The following VAPB variants were observed in gnomAD, a reference collection of about 807,000 sequenced individuals.
VAPB encodes VAMP associated protein B and C.
VAPB carries 7 observed loss-of-function variants against 25.6 expected under a neutral mutation model. The observed-to-expected ratio is 0.27, with a 90% CI of 0.16 to 0.51. The LOEUF (loss-of-function observed/expected upper bound fraction) is 0.51, where lower values mean the gene tolerates loss of function less well. VAPB is among the 20% of genes least tolerant of loss of function. The pLI is 0.97. For missense variants in VAPB, 266 were observed against 301.3 expected (o/e 0.88, Z 0.87); for synonymous variants, 112 against 109.2 (o/e 1.03, Z -0.16).
intron 4 of VAPB, 51 bp downstream of exon 4, chr20:58,439,076 T>C (rs776266655): frequency 8.6e-6 from 13 of 1,510,952 alleles, no homozygotes; most frequent in Non-Finnish European, 1.2e-5. Context: ...CTGATACTTA[T>C]TTGCATACCA....
chr20:58,413,139 C>CTTTTTTTTTTTTTTTTTTTTT (rs11481028), intron 1 of VAPB, among the ~76,000 whole-genome samples: 2 of 132,592 alleles, frequency 1.5e-5, no homozygotes, highest in African/African-American at 2.8e-5. Flanking sequence ...TATTTGCCTT[C>CTTTTTTTTTTTTTTTTTTTTT]TTTTTTTTTT....
intron 5 of VAPB, among the ~76,000 whole-genome samples, chr20:58,443,486 A>C (rs1019633138): frequency 6.8e-6 from 1 of 146,670 alleles, no homozygotes; most frequent in Admixed American, 6.9e-5. Context: ...AGGTTTTACC[A>C]TGTTGACCAA....
At chr20:58,417,224 C>T (rs1600795194) in intron 1 of VAPB, among the ~76,000 whole-genome samples, 2 of 152,242 alleles carry the variant, frequency 1.3e-5, no homozygotes, top group African/African-American at 4.8e-5. Flanking sequence ...GATCACATGT[C>T]CACCATAGAT....
chr20:58,447,916 A>G lies in VAPB; in HGVS notation c.*3681A>G, dbSNP rs1249690046. ...TCCCAGTGTCACTTTGAACACCTGA[A>G]TAACATTTAACTCCTGAGACCTTCT... On this transcript the variant is annotated 3_prime_UTR_variant, in exon 6 of 6. Coordinates refer to ENST00000475243, the MANE Select transcript of VAPB (RefSeq NM_004738.5). 1 of 453,822 alleles carries G rather than the reference A, an allele frequency of 2.2e-6. No homozygotes were observed. The highest frequency in any genetic ancestry group is 7.0e-5 in the East Asian group (1 of 14,376). The allele number at this position is 453,822 out of a possible 1,614,324, so 28.1% of individuals were successfully genotyped here.
At chr20:58,414,662 G>A (rs1988489391) in intron 1 of VAPB, among the ~76,000 whole-genome samples, 1 of 151,936 alleles carries the variant, frequency 6.6e-6, no homozygotes, top group Non-Finnish European at 1.5e-5. Context: ...CTTCCTAGAT[G>A]TGATGGCGGC....
intron 1 of VAPB, among the ~76,000 whole-genome samples, chr20:58,396,291 C>A (rs6026235): frequency 0.041 from 6,289 of 152,146 alleles, 415 homozygotes; most frequent in African/African-American, 0.14. Flanking sequence ...TGCATGCCCA[C>A]CTCGTGTTGT....
Position 58,440,993 on chromosome 20 carries a change from G to A in VAPB, c.483G>A (p.Leu161=). Residue 161 remains leucine (L), a synonymous_variant, in exon 5 of 6, where the codon TTG becomes TTA. Transcript: ENST00000475243. ...PIVSKSLSSS[L]DDTEVKKVME... ...TGTCTAAGTCTCTGAGTTCTTCTTTGGATGACACCGAAGTTAAGAAGGTTA... is the reference window on the plus strand; with the variant it reads ...TGTCTAAGTCTCTGAGTTCTTCTTTAGATGACACCGAAGTTAAGAAGGTTA... 6.2e-7 allele frequency: 1 copy of A among 1,613,982 alleles called. No homozygotes were observed. Among genetic ancestry groups the A allele is most frequent in the Non-Finnish European group, 8.5e-7 (1 of 1,179,968 alleles).
In VAPB at chr20:58,438,864, C is replaced by T. The variant is rs1006493760; in HGVS notation, c.316-81C>T. ...GGGCTTTCTCATTAAGAGTATTTTT[C>T]TGAAATTGTCAGTTATAGGAAGAAA... On this transcript the variant is annotated intron_variant, in intron 3 of 5. Transcript: ENST00000475243. 6 of 1,228,096 alleles carry T rather than the reference C, an allele frequency of 4.9e-6. No homozygotes were observed. In the Admixed American group the frequency reaches 8.7e-5, roughly 18 times the overall value. 76.1% of individuals were successfully genotyped at this position (1,228,096 alleles called of 1,614,324 possible).
In VAPB at chr20:58,448,297, G is replaced by A. The variant is rs1989345610; in HGVS notation, c.*4062G>A. On this transcript the variant is annotated 3_prime_UTR_variant, in exon 6 of 6. Coordinates refer to ENST00000475243, the MANE Select transcript of VAPB (RefSeq NM_004738.5). ...ATCATGCTGGCCCTACGCGAATTGAGTTTCTGTGGCCTAATTGGATTTGGA... is the reference window on the plus strand; with the variant it reads ...ATCATGCTGGCCCTACGCGAATTGAATTTCTGTGGCCTAATTGGATTTGGA... 1 of 453,522 alleles carries A rather than the reference G, an allele frequency of 2.2e-6. No individual in the cohort carries two copies. Among genetic ancestry groups the A allele is most frequent in the Admixed American group, 2.4e-5 (1 of 42,534 alleles). The allele number at this position is 453,522 out of a possible 1,614,324, so 28.1% of individuals were successfully genotyped here. A position where few individuals can be genotyped will look rare whatever the true frequency, so the allele number is the denominator to read the frequency against.
chr20:58,415,625 T>C (rs1012404201), intron 1 of VAPB, among the ~76,000 whole-genome samples: 1 of 152,198 alleles, frequency 6.6e-6, no homozygotes, highest in Non-Finnish European at 1.5e-5. Flanking sequence ...ATTCTAAGTT[T>C]AGAAGGAGAT....
Position 58,445,324 on chromosome 20 carries a change from CTA to C in VAPB, c.*1090_*1091del, listed in dbSNP as rs1478817648. ...CTGAGCCTGACCTCCCCTTGGGGAC[CTA>C]GCCTGGAGTCAGGACAAATGGATCG... On this transcript the variant is annotated 3_prime_UTR_variant, in exon 6 of 6. Coordinates refer to ENST00000475243, the MANE Select transcript of VAPB (RefSeq NM_004738.5). 3 of 454,316 alleles carry C rather than the reference CTA, an allele frequency of 6.6e-6. No individual in the cohort carries two copies. The highest frequency in any genetic ancestry group is 1.3e-5 in the Non-Finnish European group (3 of 226,734). 28.1% of individuals were successfully genotyped at this position (454,316 alleles called of 1,614,324 possible). A position where few individuals can be genotyped will look rare whatever the true frequency, so the allele number is the denominator to read the frequency against.
At chr20:58,427,882 C>G (rs6026266) in intron 2 of VAPB, among the ~76,000 whole-genome samples, 278 of 141,834 alleles carry the variant, frequency 2.0e-3, no homozygotes, top group African/African-American at 6.8e-3. Context: ...ATGATGCAGG[C>G]GAAAGTGATC....
chr20:58,427,339 C>T (rs960515486), intron 2 of VAPB, among the ~76,000 whole-genome samples: 64 of 113,426 alleles, frequency 5.6e-4, no homozygotes, highest in Admixed American at 1.4e-3. Flanking sequence ...GAAAGTGATC[C>T]GTGATCTGTT....
intron 2 of VAPB, among the ~76,000 whole-genome samples, chr20:58,419,020 T>G (rs1484857352): frequency 2.6e-5 from 4 of 152,206 alleles, no homozygotes; most frequent in African/African-American, 9.7e-5. Context: ...TAAGGAGATG[T>G]CAGTGATGGG....
In VAPB at chr20:58,450,720, T is replaced by C. The variant is rs1254712949; in HGVS notation, c.*6485T>C. 2.2e-6 allele frequency: 1 copy of C among 453,866 alleles called. No homozygotes were observed. The highest frequency in any genetic ancestry group is 4.4e-6 in the Non-Finnish European group (1 of 226,662). 28.1% of individuals were successfully genotyped at this position (453,866 alleles called of 1,614,324 possible). On this transcript the variant is annotated 3_prime_UTR_variant, in exon 6 of 6. Coordinates refer to ENST00000475243, the MANE Select transcript of VAPB (RefSeq NM_004738.5). ...GTGTGTGTTTATAGTCTTCAATGTA[T>C]GTTAACATGTTAGGAACTGAGTATC...
In VAPB at chr20:58,448,754, G is replaced by T. The variant is rs1251109852; in HGVS notation, c.*4519G>T. On this transcript the variant is annotated 3_prime_UTR_variant, in exon 6 of 6. Coordinates refer to ENST00000475243, the MANE Select transcript of VAPB (RefSeq NM_004738.5). ...TAGTTCAGATGCTTTTTCTTTTTCT[G>T]TTGGAAACTGAACACACTACAGACA... 3 of 453,666 alleles carry T rather than the reference G, an allele frequency of 6.6e-6. No individual in the cohort carries two copies. The highest frequency in any genetic ancestry group is 1.3e-5 in the Non-Finnish European group (3 of 226,736). 28.1% of individuals were successfully genotyped at this position (453,666 alleles called of 1,614,324 possible). A position where few individuals can be genotyped will look rare whatever the true frequency, so the allele number is the denominator to read the frequency against.
At chr20:58,401,499 G>C (rs1988094708) in intron 1 of VAPB, among the ~76,000 whole-genome samples, 1 of 151,940 alleles carries the variant, frequency 6.6e-6, no homozygotes, top group Admixed American at 6.5e-5. Flanking sequence ...ACTACCATTT[G>C]ACCCCTGTTG....
At chr20:58,404,011 T>G (rs1292781229) in intron 1 of VAPB, among the ~76,000 whole-genome samples, 1 of 152,190 alleles carries the variant, frequency 6.6e-6, no homozygotes, top group African/African-American at 2.4e-5. Context: ...TTCTTAGTAT[T>G]CTATCGTATC....
intron 1 of VAPB, among the ~76,000 whole-genome samples, chr20:58,417,524 A>T (rs983844051): frequency 2.0e-5 from 3 of 152,356 alleles, no homozygotes; most frequent in Admixed American, 6.5e-5. Context: ...TCTTCAGGCC[A>T]CTGAGCCTGT....
Sources: gnomAD v4.1 joint callset for allele counts (sites outside exome capture counted in the v4.1 genomes callset) on GRCh38, gnomAD v4.1.1 for gene constraint, MANE v1.5 for transcripts, NCBI Gene and HGNC (gene_info 2026-07-23, HGNC 2026-07-21) for gene names.